Variants in LIN9 observed in about 807,000 individuals in gnomAD.
The protein encoded by LIN9 is lin-9 DREAM MuvB core complex component, also known as protein lin-9 homolog.
A neutral mutation model predicts 78.0 loss-of-function variants in LIN9; 18 were observed. The ratio of observed to expected loss-of-function variants is 0.23; its 90% CI spans 0.16 to 0.34. The LOEUF (loss-of-function observed/expected upper bound fraction) is 0.34, where lower values mean the gene tolerates loss of function less well. Ranked by LOEUF, LIN9 falls within the 10% of genes least tolerant of loss-of-function variation. The pLI is 1.00. For synonymous variants in LIN9, 192 were observed against 215.2 expected (o/e 0.89, Z 0.94); for missense variants, 451 against 644.1 (o/e 0.70, Z 3.25).
intron 11 of LIN9, among the ~76,000 whole-genome samples, chr1:226,240,579 G>A (rs1207805036): frequency 6.6e-6 from 1 of 151,992 alleles, no homozygotes; most frequent in Non-Finnish European, 1.5e-5. Context: ...AGTGGAGATG[G>A]GGTTTCATCA....
intron 2 of LIN9, 104 bp from the exon 3 acceptor site, chr1:226,297,917 T>A: frequency 2.2e-6 from 1 of 453,342 alleles, no homozygotes; most frequent in African/African-American, 2.0e-5. Flanking sequence ...AAATATTTAA[T>A]ATGGAAAAAA....
intron 1 of LIN9, among the ~76,000 whole-genome samples, chr1:226,303,351 C>T (rs938534463): frequency 6.6e-6 from 1 of 151,886 alleles, no homozygotes; most frequent in African/African-American, 2.4e-5. Flanking sequence ...AAACAGCTAT[C>T]GAGTAATGAT....
chr1:226,260,836 G>A (rs138169776), intron 10 of LIN9, among the ~76,000 whole-genome samples: 4,147 of 151,320 alleles, frequency 0.027, 163 homozygotes, highest in African/African-American at 0.093. Context: ...TAGTAGAGAC[G>A]GGGTTTCACC....
At chr1:226,270,702 G>C (rs139361672) in intron 7 of LIN9, among the ~76,000 whole-genome samples, 1 of 151,696 alleles carries the variant, frequency 6.6e-6, no homozygotes, top group Non-Finnish European at 1.5e-5. Context: ...GCATGTGCCT[G>C]TAGTCCCTGG....
rs529840578 is a variant in LIN9, at chr1:226,245,597, AT to A, written c.1119+5241del. On this transcript the variant is annotated intron_variant, in intron 11 of 14. Coordinates refer to ENST00000681046, the MANE Select transcript of LIN9 (RefSeq NM_001366245.2). ...TGGCTAATTTTTCTAAAAAACAAAA[AT>A]TTTTTTTTTTTGAGACTCAGTCTTG... 3.6e-4 allele frequency among the ~76,000 whole-genome samples: 53 copies of A among 147,334 alleles called. No homozygotes were observed. In the South Asian group the frequency reaches 5.6e-3, roughly 15 times the overall value.
At chr1:226,245,398 T>C (rs1408927628) in intron 11 of LIN9, among the ~76,000 whole-genome samples, 1 of 149,010 alleles carries the variant, frequency 6.7e-6, no homozygotes, top group African/African-American at 2.5e-5. Context: ...TAAAGTTTCT[T>C]AGTTCTGCCA....
chr1:226,275,862 TA>T (rs1432389353), intron 7 of LIN9, among the ~76,000 whole-genome samples: 1 of 151,934 alleles, frequency 6.6e-6, no homozygotes, highest in African/African-American at 2.4e-5. Flanking sequence ...TCATCTCTAC[TA>T]AAAAAATTAC....
chr1:226,267,890 C>A (rs1660033825), intron 8 of LIN9, 67 bp downstream of exon 8: 3 of 1,469,566 alleles, frequency 2.0e-6, no homozygotes, highest in Non-Finnish European at 2.7e-6. Flanking sequence ...AATACGATTT[C>A]TAAAAAAACT....
intron 1 of LIN9, among the ~76,000 whole-genome samples, chr1:226,306,318 T>C (rs1662914369): frequency 6.6e-6 from 1 of 151,500 alleles, no homozygotes; most frequent in Admixed American, 6.6e-5. Context: ...AGCAAGACTC[T>C]GTCTCAAAAA....
chr1:226,301,162 A>G lies in LIN9; in HGVS notation c.64+11T>C, dbSNP rs1396298930. On this transcript the variant is annotated intron_variant, in intron 2 of 14. Coordinates refer to ENST00000681046, the MANE Select transcript of LIN9 (RefSeq NM_001366245.2). ...TAGCTATGGTATACCTAAAAATGCT[A>G]TACTTCTTACCTTTTAAACTGACAA... is the stretch of plus-strand genomic sequence containing the variant. 4.4e-6 allele frequency: 7 copies of G among 1,594,558 alleles called. No homozygotes were observed. Among genetic ancestry groups the G allele is most frequent in the Non-Finnish European group, 6.0e-6 (7 of 1,172,356 alleles).
chr1:226,309,215 G>T, upstream of LIN9: 2 of 1,454,134 alleles, frequency 1.4e-6, no homozygotes, highest in Non-Finnish European at 1.8e-6. Context: ...CTTTGCGAGG[G>T]AGGTTCGAAT....
chr1:226,243,868 C>T (rs1658284819), intron 11 of LIN9, among the ~76,000 whole-genome samples: 1 of 104,570 alleles, frequency 9.6e-6, no homozygotes, highest in African/African-American at 3.7e-5. Context: ...TATACACATA[C>T]AATTAAAAAT....
chr1:226,290,622 A>G (rs530823981), intron 4 of LIN9, among the ~76,000 whole-genome samples: 199 of 149,986 alleles, frequency 1.3e-3, no homozygotes, highest in African/African-American at 3.7e-3. Flanking sequence ...TTACAGGCGT[A>G]AGCCACCGCA....
intron 6 of LIN9, among the ~76,000 whole-genome samples, chr1:226,280,578 C>T (rs1660985030): frequency 6.6e-6 from 1 of 152,110 alleles, no homozygotes; most frequent in South Asian, 2.1e-4. Flanking sequence ...GAGATCGAGA[C>T]CATCCTGGCC....
intron 7 of LIN9, among the ~76,000 whole-genome samples, chr1:226,276,623 A>G (rs935715242): frequency 8.5e-5 from 13 of 152,220 alleles, no homozygotes; most frequent in African/African-American, 2.9e-4. Context: ...AAAATGATAT[A>G]AATATGTAAC....
chr1:226,281,593 A>C (rs1390258414), intron 6 of LIN9, among the ~76,000 whole-genome samples: 1 of 152,194 alleles, frequency 6.6e-6, no homozygotes, highest in African/African-American at 2.4e-5. Context: ...AAATATGTAC[A>C]ACTATTATAT....
chr1:226,307,776 A>G (rs984751216), intron 1 of LIN9, among the ~76,000 whole-genome samples: 1 of 152,238 alleles, frequency 6.6e-6, no homozygotes, highest in Non-Finnish European at 1.5e-5. Flanking sequence ...AAATTAAATA[A>G]AATTCAAAAT....
chr1:226,242,865 G>A (rs1284544865), intron 11 of LIN9, among the ~76,000 whole-genome samples: 4 of 150,430 alleles, frequency 2.7e-5, no homozygotes, highest in East Asian at 2.0e-4. Context: ...ATCTACTCCC[G>A]CTTAATGAAT....
chr1:226,299,552 T>C (rs1289177130), intron 2 of LIN9, among the ~76,000 whole-genome samples: 2 of 148,472 alleles, frequency 1.3e-5, no homozygotes, highest in African/African-American at 2.5e-5. Context: ...AGTTTAATAT[T>C]GGGAGAAAAA....
Sources: gnomAD v4.1 joint callset for allele counts (sites outside exome capture counted in the v4.1 genomes callset) on GRCh38, gnomAD v4.1.1 for gene constraint, MANE v1.5 for transcripts, NCBI Gene and HGNC (gene_info 2026-07-23, HGNC 2026-07-21) for gene names.